SCAP: variants seen among roughly 807,000 people sequenced by gnomAD.
SCAP encodes SREBF chaperone.
SCAP carries 65 observed loss-of-function variants against 123.6 expected under a neutral mutation model. That is an observed-to-expected ratio of 0.53 (90% CI 0.43 to 0.65). The LOEUF is 0.65. Ranked by LOEUF, SCAP falls within the 30% of genes least tolerant of loss-of-function variation. The pLI, the probability that SCAP is intolerant of heterozygous loss-of-function variation, is 0.00. For synonymous variants in SCAP, 740 were observed against 726.3 expected (o/e 1.02, Z -0.30); for missense variants, 1,398 against 1,712.5 (o/e 0.82, Z 3.24).
At chr3:47,465,899 C>T (rs1200967591) in intron 1 of SCAP, among the ~76,000 whole-genome samples, 1 of 151,020 alleles carries the variant, frequency 6.6e-6, no homozygotes. Flanking sequence ...CTTTGGGAGG[C>T]CAAGGCAGGT....
Position 47,466,721 on chromosome 3 carries a change from C to T in SCAP, c.-99+9078G>A, listed in dbSNP as rs138331328. On this transcript the variant is annotated intron_variant, in intron 1 of 22. Transcript: ENST00000265565. The stretch of plus-strand genomic sequence containing the variant: ...ATATAAGAAAAAGATCTTCATGATG[C>T]TGAGTTTAGCAAGGATTGAAAAGTA... Among the ~76,000 whole-genome samples the T allele has an allele frequency of 3.2e-3, 488 of 152,150 alleles. 2 individuals carry two copies. The highest frequency in any genetic ancestry group is 0.011 in the African/African-American group (467 of 41,514).
rs376995400 is a variant in SCAP, at chr3:47,425,896, A to G, written c.910+101T>C. 1,372 of 1,344,450 alleles carry G rather than the reference A, an allele frequency of 1.0e-3. 12 individuals carry two copies. The highest frequency in any genetic ancestry group is 8.7e-3 in the South Asian group (644 of 73,956). 83.3% of individuals were successfully genotyped at this position (1,344,450 alleles called of 1,614,324 possible). A position where few individuals can be genotyped will look rare whatever the true frequency, so the allele number is the denominator to read the frequency against. ...CTCTGATGACCACCAGGTGTGTTCT[A>G]TCTCTCTACCCCAAGCCACCTCCAG... On this transcript the variant is annotated intron_variant, in intron 7 of 22. Transcript: ENST00000265565.
At chr3:47,444,233 C>T (rs1706936222) in intron 1 of SCAP, among the ~76,000 whole-genome samples, 1 of 152,146 alleles carries the variant, frequency 6.6e-6, no homozygotes, top group Admixed American at 6.6e-5. Context: ...TCTCTTGTTC[C>T]ATGTTGCTGT....
chr3:47,455,045 T>C (rs1043870043), intron 1 of SCAP, among the ~76,000 whole-genome samples: 1 of 134,198 alleles, frequency 7.5e-6, no homozygotes, highest in Admixed American at 8.2e-5. Context: ...AATCCAAATA[T>C]ATATACAAAA....
In SCAP at chr3:47,418,404, G is replaced by A. The variant is rs1357125060; in HGVS notation, c.2248C>T (p.Arg750Cys). ...TAGTCGTCGCAGGGCAGCTCCCCGC[G>A]CCTCCGCCGCCCGGGCCCACCACCC... Reference protein sequence around the residue: ...QLGGGPGRRRRGELPCDDYGY... With the variant: ...QLGGGPGRRRCGELPCDDYGY... The change falls in exon 15 of 23, where the codon CGC (arginine) becomes TGC (cysteine). Residue 750 changes from arginine to cysteine, a missense_variant. Transcript: ENST00000265565. The A allele has an allele frequency of 1.1e-5, 17 of 1,575,642 alleles. No individual in the cohort carries two copies. Among genetic ancestry groups the A allele is most frequent in the Non-Finnish European group, 1.4e-5 (16 of 1,164,662 alleles).
Position 47,431,315 on chromosome 3 carries a change from A to G in SCAP, c.253-2645T>C, listed in dbSNP as rs985123544. ...TCTTAATGTACGTGAATTTTTAAAT[A>G]ATTTAGGAGGCTGAGGTATATAAAA... On this transcript the variant is annotated intron_variant, in intron 3 of 22. Transcript: ENST00000265565. Among the ~76,000 whole-genome samples the G allele has an allele frequency of 1.7e-3, 4 of 2,290 alleles. No individual in the cohort carries two copies. In the East Asian group the frequency reaches 0.25, roughly 143 times the overall value. The allele number at this position is 2,290 out of a possible 152,430, so 1.5% of individuals were successfully genotyped here. A position where few individuals can be genotyped will look rare whatever the true frequency, so the allele number is the denominator to read the frequency against.
intron 1 of SCAP, among the ~76,000 whole-genome samples, chr3:47,455,079 ATATATATATATATAT>A (rs1707368434): frequency 6.8e-6 from 1 of 146,908 alleles, no homozygotes; most frequent in Non-Finnish European, 1.5e-5. Flanking sequence ...ATATATATAT[ATATATATATATATAT>A]AATCAACTGA....
chr3:47,433,565 T>C (rs1706451178), intron 3 of SCAP, among the ~76,000 whole-genome samples: 1 of 152,224 alleles, frequency 6.6e-6, no homozygotes, highest in South Asian at 2.1e-4. Context: ...GTGCTAACAT[T>C]GCATTAAAAG....
At chr3:47,448,028 A>C (rs967279688) in intron 1 of SCAP, among the ~76,000 whole-genome samples, 6 of 151,542 alleles carry the variant, frequency 4.0e-5, no homozygotes, top group Admixed American at 6.6e-5. Context: ...AAAAAAAAAA[A>C]AAAAACTTGA....
intron 22 of SCAP, 34 bp from the exon 23 acceptor site, chr3:47,414,133 G>T: frequency 1.9e-6 from 3 of 1,613,554 alleles, no homozygotes; most frequent in Non-Finnish European, 2.5e-6. Context: ...TCAGTCCTGA[G>T]TCCTTCCCTA....
In SCAP at chr3:47,450,058, C is replaced by T. The variant is rs190764004; in HGVS notation, c.-98-6967G>A. Among the ~76,000 whole-genome samples, 5 of 125,404 alleles carry T rather than the reference C, an allele frequency of 4.0e-5. 2 individuals are homozygous for T. Among genetic ancestry groups the T allele is most frequent in the African/African-American group, 8.1e-5 (3 of 36,816 alleles). The allele number at this position is 125,404 out of a possible 152,430, so 82.3% of individuals were successfully genotyped here. On this transcript the variant is annotated intron_variant, in intron 1 of 22. Coordinates refer to ENST00000265565, the MANE Select transcript of SCAP (RefSeq NM_012235.4). ...TGTCACCCAGGCTGGAGTGCAGTGG[C>T]GTGATCTCGGCTCACCGCAACCTCC...
intron 6 of SCAP, among the ~76,000 whole-genome samples, chr3:47,426,929 G>A (rs1051901504): frequency 3.3e-5 from 5 of 152,154 alleles, no homozygotes; most frequent in Admixed American, 6.5e-5. Flanking sequence ...CACTGAGACC[G>A]CCAGCCCTAC....
intron 1 of SCAP, among the ~76,000 whole-genome samples, chr3:47,445,519 A>G (rs1326337275): frequency 1.3e-5 from 2 of 151,872 alleles, no homozygotes; most frequent in African/African-American, 4.8e-5. Flanking sequence ...TGCTGGGATT[A>G]CAGGCATGAG....
At position 47,415,096 on chromosome 3, in the gene SCAP, AC is replaced by A. The variant is rs1254473482; in HGVS notation, c.3139+1del. On this transcript the variant is annotated splice_donor_variant, in intron 19 of 22. Transcript: ENST00000265565. LOFTEE classifies it high-confidence loss of function. ...ACACCTGCCCACCCCAGGCCCTCCG[AC>A]CTCTAAACTGCAGGGGGCTGAGGGC... 1 of 1,603,026 alleles carries A rather than the reference AC, an allele frequency of 6.2e-7. No homozygotes were observed. Among genetic ancestry groups the A allele is most frequent in the Non-Finnish European group, 8.5e-7 (1 of 1,176,452 alleles).
chr3:47,425,681 T>C, intron 7 of SCAP, 70 bp from the exon 8 acceptor site: 11 of 1,546,752 alleles, frequency 7.1e-6, no homozygotes, highest in Non-Finnish European at 9.7e-6. Flanking sequence ...CTCCCGGGAG[T>C]AGGTTGCCCT....
chr3:47,442,835 A>G, intron 2 of SCAP, 37 bp downstream of exon 2: 2 of 1,592,900 alleles, frequency 1.3e-6, no homozygotes, highest in South Asian at 2.2e-5. Context: ...GTCCTAAGAC[A>G]CTGGCCCACC....
intron 1 of SCAP, among the ~76,000 whole-genome samples, chr3:47,459,914 G>T (rs187182640): frequency 6.6e-6 from 1 of 152,222 alleles, no homozygotes; most frequent in East Asian, 1.9e-4. Flanking sequence ...TATCTCAACC[G>T]CATAAGACAG....
intron 2 of SCAP, among the ~76,000 whole-genome samples, chr3:47,442,507 A>T (rs189555574): frequency 1.1e-3 from 170 of 152,372 alleles, no homozygotes; most frequent in Middle Eastern, 3.4e-3. Flanking sequence ...GCCTCGCAAC[A>T]CACAAAAAAG....
At chr3:47,442,053 G>C (rs1206466241) in intron 2 of SCAP, among the ~76,000 whole-genome samples, 1 of 151,866 alleles carries the variant, frequency 6.6e-6, no homozygotes, top group Non-Finnish European at 1.5e-5. Context: ...GAGATCATTA[G>C]CAACTGAACT....
Sources: gnomAD v4.1 joint callset for allele counts (sites outside exome capture counted in the v4.1 genomes callset) on GRCh38, gnomAD v4.1.1 for gene constraint, MANE v1.5 for transcripts, NCBI Gene and HGNC (gene_info 2026-07-23, HGNC 2026-07-21) for gene names.